ULK4: variants seen among roughly 807,000 people sequenced by gnomAD.
ULK4 encodes unc-51 like kinase 4.
In ULK4, 133 loss-of-function variants were observed where a neutral mutation model predicts 160.6. The ratio of observed to expected loss-of-function variants is 0.83; its 90% CI spans 0.72 to 0.96. The LOEUF (loss-of-function observed/expected upper bound fraction) is 0.96, where lower values mean the gene tolerates loss of function less well. ULK4 is among the 40% of genes least tolerant of loss of function. The pLI is 0.00. For missense variants in ULK4, 1,580 were observed against 1,499.5 expected (o/e 1.05, Z -0.89); for synonymous variants, 534 against 539.8 (o/e 0.99, Z 0.15).
At chr3:41,262,498 C>T (rs988903292) in intron 35 of ULK4, among the ~76,000 whole-genome samples, 4 of 152,130 alleles carry the variant, frequency 2.6e-5, no homozygotes, top group African/African-American at 7.2e-5. Context: ...TTTCTCTTGA[C>T]CTTTATTTCC....
intron 34 of ULK4, among the ~76,000 whole-genome samples, chr3:41,414,279 T>C (rs1053512308): frequency 3.4e-4 from 52 of 152,188 alleles, no homozygotes; most frequent in African/African-American, 1.2e-3. Flanking sequence ...CCTAACTTTA[T>C]TGCAAGCACT....
chr3:41,750,641 A>C (rs1467018622), intron 22 of ULK4, among the ~76,000 whole-genome samples: 3 of 152,094 alleles, frequency 2.0e-5, no homozygotes, highest in Non-Finnish European at 4.4e-5. Context: ...TTCTCCGTAG[A>C]GTTTTCAATA....
chr3:41,479,955 C>A (rs564785175), intron 32 of ULK4, among the ~76,000 whole-genome samples: 6 of 152,044 alleles, frequency 3.9e-5, no homozygotes, highest in African/African-American at 1.4e-4. Context: ...CGCCTGTAAT[C>A]TCAGTGCTTT....
intron 34 of ULK4, among the ~76,000 whole-genome samples, chr3:41,430,535 A>G (rs1054192784): frequency 3.3e-5 from 5 of 152,214 alleles, no homozygotes; most frequent in African/African-American, 1.2e-4. Context: ...TAGAGCTGTT[A>G]GGGCAGCTAA....
rs559567089 is a variant in ULK4 at position 41,594,788 on chromosome 3, A to AGGGGAGATGAAAGGAGAAGC, written c.3120+20861_3120+20880dup. On this transcript the variant is annotated intron_variant, in intron 31 of 36. Transcript: ENST00000301831. Reference sequence around the variant, plus strand: ...TCTAGCTAAATGGAACGCAAACAGCAGGGGAGATGAAAGGAGAAGCAGGGA... The same window carrying AGGGGAGATGAAAGGAGAAGC: ...TCTAGCTAAATGGAACGCAAACAGCAGGGGAGATGAAAGGAGAAGCGGGGAGATGAAAGGAGAAGCAGGGA... Among the ~76,000 whole-genome samples, 204 of 152,318 alleles carry AGGGGAGATGAAAGGAGAAGC rather than the reference A, an allele frequency of 1.3e-3. 1 individual carries two copies. The highest frequency in any genetic ancestry group is 4.7e-3 in the African/African-American group (196 of 41,576).
chr3:41,717,837 G>C lies in ULK4; in HGVS notation c.2346C>G (p.Asp782Glu), dbSNP rs763880036. 2.9e-5 allele frequency: 46 copies of C among 1,614,032 alleles called. No individual in the cohort carries two copies. Among genetic ancestry groups the C allele is most frequent in the Middle Eastern group, 1.7e-4 (1 of 6,058 alleles). The change falls in exon 23 of 37, where the codon GAC becomes GAG. Residue 782 changes from aspartate (D) to glutamate (E), a missense_variant. By Grantham distance (45) the Asp-to-Glu change is conservative. Coordinates refer to ENST00000301831, the MANE Select transcript of ULK4 (RefSeq NM_017886.4). Reference protein sequence around the residue: ...QARLVMYIERDSRKTTPGKEQ... With the variant: ...QARLVMYIERESRKTTPGKEQ... ...CCTTGCCTGGAGTGGTCTTTCTGCT[G>C]TCTCTCTCGATGTACATCACCAGTC...
At chr3:41,658,731 A>ACACACACACACACACACACACACACTCT (rs2035033676) in intron 30 of ULK4, among the ~76,000 whole-genome samples, 2 of 135,150 alleles carry the variant, frequency 1.5e-5, no homozygotes, top group African/African-American at 5.4e-5. Context: ...AAAACAGTAC[A>ACACACACACACACACACACACACACTCT]CACACACACA....
chr3:41,811,194 A>ATT, intron 19 of ULK4, among the ~76,000 whole-genome samples: 1 of 150,932 alleles, frequency 6.6e-6, no homozygotes, highest in East Asian at 2.0e-4. Context: ...GCCTTTATTT[A>ATT]TTTTTTAAGT....
At chr3:41,733,027 G>T (rs1034363682) in intron 22 of ULK4, among the ~76,000 whole-genome samples, 2 of 152,062 alleles carry the variant, frequency 1.3e-5, no homozygotes, top group Non-Finnish European at 2.9e-5. Context: ...ATAAGTTATC[G>T]TGTTCTATTG....
At chr3:41,925,956 C>G (rs1308328702) in intron 5 of ULK4, among the ~76,000 whole-genome samples, 1 of 152,186 alleles carries the variant, frequency 6.6e-6, no homozygotes, top group Non-Finnish European at 1.5e-5. Flanking sequence ...CCTGATGGCT[C>G]TGAAGAGAGC....
At chr3:41,479,259 G>A (rs7620451) in intron 32 of ULK4, among the ~76,000 whole-genome samples, 1,591 of 152,226 alleles carry the variant, frequency 0.01, 31 homozygotes, top group African/African-American at 0.033. Flanking sequence ...GTAAACATTC[G>A]GGAGAAAATC....
intron 30 of ULK4, among the ~76,000 whole-genome samples, chr3:41,628,679 A>G (rs138991706): frequency 8.9e-4 from 136 of 152,306 alleles, no homozygotes; most frequent in African/African-American, 3.2e-3. Context: ...AAAGTATATC[A>G]TTTGGAAAAT....
intron 7 of ULK4, among the ~76,000 whole-genome samples, chr3:41,916,992 GC>G (rs1018838599): frequency 8.5e-5 from 13 of 152,096 alleles, no homozygotes; most frequent in Non-Finnish European, 1.9e-4. Context: ...ACAGGTGTGT[GC>G]CACCATGCCC....
chr3:41,951,144 CAAAAAA>C (rs34524276), intron 2 of ULK4, among the ~76,000 whole-genome samples: 21 of 64,660 alleles, frequency 3.2e-4, no homozygotes, highest in African/African-American at 1.3e-3. Flanking sequence ...GGCTTCGTCT[CAAAAAA>C]AAAAAAAAAA....
chr3:41,710,171 T>C (rs921729962), intron 25 of ULK4, among the ~76,000 whole-genome samples: 5 of 152,204 alleles, frequency 3.3e-5, no homozygotes, highest in Non-Finnish European at 7.3e-5. Context: ...TATGAAGAAT[T>C]ATGGGCTTAT....
chr3:41,560,634 G>C (rs751055929), intron 32 of ULK4, among the ~76,000 whole-genome samples: 15 of 152,172 alleles, frequency 9.9e-5, no homozygotes, highest in Non-Finnish European at 1.9e-4. Context: ...AATTGTGAAT[G>C]GGAGTTCACT....
At chr3:41,478,736 C>CA (rs2084218269) in intron 32 of ULK4, among the ~76,000 whole-genome samples, 1 of 152,182 alleles carries the variant, frequency 6.6e-6, no homozygotes, top group African/African-American at 2.4e-5. Flanking sequence ...TTTGACTACT[C>CA]ATAGCTCAAG....
rs71616008 is a variant in ULK4 at position 41,469,602 on chromosome 3, C to CAAAAAAAAAAAAAAAAAAA, written c.3227-6368_3227-6350dup. Among the ~76,000 whole-genome samples, 52 of 11,312 alleles carry CAAAAAAAAAAAAAAAAAAA rather than the reference C, an allele frequency of 4.6e-3. 2 individuals are homozygous for CAAAAAAAAAAAAAAAAAAA. Among genetic ancestry groups the CAAAAAAAAAAAAAAAAAAA allele is most frequent in the African/African-American group, 7.0e-3 (22 of 3,156 alleles). The allele number at this position is 11,312 out of a possible 152,430, so 7.4% of individuals were successfully genotyped here. ...TGAAAGAGTGAAGGCCTACACCTGCCAAAAAAAAAAAAAAAAAAAAAAAAA... is the reference window on the plus strand; with the variant it reads ...TGAAAGAGTGAAGGCCTACACCTGCCAAAAAAAAAAAAAAAAAAAAAAAAAAAAAAAAAAAAAAAAAAAA... On this transcript the variant is annotated intron_variant, in intron 32 of 36. Transcript: ENST00000301831.
chr3:41,607,486 A>G (rs1439132617), intron 31 of ULK4, among the ~76,000 whole-genome samples: 1 of 152,154 alleles, frequency 6.6e-6, no homozygotes, highest in African/African-American at 2.4e-5. Flanking sequence ...CAATTGTGCT[A>G]AGGGTGTGGC....
Sources: gnomAD v4.1 joint callset for allele counts (sites outside exome capture counted in the v4.1 genomes callset) on GRCh38, gnomAD v4.1.1 for gene constraint, MANE v1.5 for transcripts, NCBI Gene and HGNC (gene_info 2026-07-23, HGNC 2026-07-21) for gene names.